GSG1L: variants seen among roughly 807,000 people sequenced by gnomAD.
GSG1L encodes the protein germ cell-specific gene 1-like protein.
In GSG1L, 24 loss-of-function variants were observed where a neutral mutation model predicts 42.1. That is an observed-to-expected ratio of 0.57 (90% CI 0.41 to 0.80). The LOEUF is 0.80. Among genes scored for constraint, GSG1L ranks in the 30% least tolerant of loss-of-function variants. GSG1L has a pLI of 0.00. For missense variants in GSG1L, 445 were observed against 472.2 expected, an observed-to-expected ratio of 0.94 and a Z score of 0.53; for synonymous variants, 215 against 203.5, an observed-to-expected ratio of 1.06 and a Z score of -0.48.
At chr16:27,902,193 G>A (rs1321543029) in intron 2 of GSG1L, among the ~76,000 whole-genome samples, 5 of 152,168 alleles carry the variant, frequency 3.3e-5, no homozygotes, top group Non-Finnish European at 7.3e-5. Flanking sequence ...GCTCAGCAAA[G>A]AACTTGCTAA....
At chr16:27,910,295 T>C (rs1315326814) in intron 2 of GSG1L, among the ~76,000 whole-genome samples, 1 of 152,090 alleles carries the variant, frequency 6.6e-6, no homozygotes, top group East Asian at 1.9e-4. Flanking sequence ...CCTGGTCTGG[T>C]CCATATTTGG....
intron 3 of GSG1L, among the ~76,000 whole-genome samples, chr16:27,862,795 A>G (rs1465920981): frequency 6.6e-6 from 1 of 152,166 alleles, no homozygotes; most frequent in Non-Finnish European, 1.5e-5. Context: ...CGCTCCCCAT[A>G]TACACAGACA....
Position 27,798,918 on chromosome 16 carries a change from A to C in GSG1L, c.899-7451T>G, listed in dbSNP as rs531360845. On this transcript the variant is annotated intron_variant, in intron 6 of 6. Transcript: ENST00000447459. ...CAAGTGACATTACCTCTCAGAACCC[A>C]AGTATTTTCCCTTGTAAAATAGAAA... Among the ~76,000 whole-genome samples, 318 of 152,248 alleles carry C rather than the reference A, an allele frequency of 2.1e-3. 14 individuals carry two copies. In the South Asian group the frequency reaches 0.063, roughly 30 times the overall value.
chr16:27,837,651 A>G (rs1281525003), intron 4 of GSG1L, among the ~76,000 whole-genome samples: 1 of 152,262 alleles, frequency 6.6e-6, no homozygotes, highest in Non-Finnish European at 1.5e-5. Flanking sequence ...GTTACTGCCC[A>G]GCAGAGATGA....
intron 2 of GSG1L, among the ~76,000 whole-genome samples, chr16:27,927,097 C>T (rs2084602581): frequency 6.6e-6 from 1 of 152,204 alleles, no homozygotes. Context: ...CTCGAAGCCC[C>T]TCCAATCTAC....
Position 28,009,129 on chromosome 16 carries a change from GC to G in GSG1L, c.350-45927del, listed in dbSNP as rs1255225549. Among the ~76,000 whole-genome samples, 3 of 152,082 alleles carry G rather than the reference GC, an allele frequency of 2.0e-5. No homozygotes were observed. In the East Asian group the frequency reaches 5.8e-4, roughly 29 times the overall value. ...TGGCCACATCAGTACTGTTTTAACT[GC>G]CCAGTTCTGAGCGCAGGTGCCCCAT... On this transcript the variant is annotated intron_variant, in intron 1 of 6. Coordinates refer to ENST00000447459, the MANE Select transcript of GSG1L (RefSeq NM_001109763.2).
chr16:27,967,376 C>G (rs2085147182), intron 1 of GSG1L, among the ~76,000 whole-genome samples: 1 of 152,178 alleles, frequency 6.6e-6, no homozygotes, highest in South Asian at 2.1e-4. Flanking sequence ...TTATTTATGT[C>G]ACTCCTTCCA....
At chr16:27,948,762 AC>A (rs2084916833) in intron 2 of GSG1L, among the ~76,000 whole-genome samples, 1 of 150,740 alleles carries the variant, frequency 6.6e-6, no homozygotes, top group African/African-American at 2.4e-5. Context: ...GGCGCCCGCC[AC>A]CGCACCCGGC....
intron 1 of GSG1L, among the ~76,000 whole-genome samples, chr16:27,972,177 T>C (rs1239535919): frequency 6.6e-6 from 1 of 152,216 alleles, no homozygotes; most frequent in Non-Finnish European, 1.5e-5. Flanking sequence ...CCAAAATAAA[T>C]GGCTCTCACA....
At chr16:27,821,764 C>T (rs1478448152) in intron 5 of GSG1L, among the ~76,000 whole-genome samples, 3 of 151,852 alleles carry the variant, frequency 2.0e-5, no homozygotes, top group African/African-American at 4.8e-5. Flanking sequence ...ATTAGCTGTG[C>T]GTGGTGGCGG....
chr16:27,901,174 C>A (rs1042715031), intron 2 of GSG1L, among the ~76,000 whole-genome samples: 8 of 152,190 alleles, frequency 5.3e-5, no homozygotes, highest in African/African-American at 1.9e-4. Context: ...ACACATACTT[C>A]TTGATTGACA....
intron 6 of GSG1L, among the ~76,000 whole-genome samples, chr16:27,802,631 G>A (rs895988731): frequency 6.6e-6 from 1 of 151,968 alleles, no homozygotes; most frequent in Non-Finnish European, 1.5e-5. Flanking sequence ...CCCCCAGGAG[G>A]TTAGGCCCCT....
chr16:28,039,411 T>G (rs1026437577), intron 1 of GSG1L, among the ~76,000 whole-genome samples: 7 of 152,090 alleles, frequency 4.6e-5, no homozygotes, highest in Non-Finnish European at 7.4e-5. Flanking sequence ...CCATGGAGAC[T>G]TCTAAAAACT....
At chr16:27,842,589 G>C (rs1756126473) in intron 4 of GSG1L, among the ~76,000 whole-genome samples, 1 of 152,104 alleles carries the variant, frequency 6.6e-6, no homozygotes, top group Non-Finnish European at 1.5e-5. Context: ...GTCTCAGGAA[G>C]GAACAGCTGC....
At chr16:27,918,676 A>G (rs1489449237) in intron 2 of GSG1L, among the ~76,000 whole-genome samples, 1 of 151,990 alleles carries the variant, frequency 6.6e-6, no homozygotes, top group Non-Finnish European at 1.5e-5. Flanking sequence ...AGAAAAAAAA[A>G]AAGAAAGAAA....
Position 27,974,923 on chromosome 16 carries a change from G to A in GSG1L, c.350-11720C>T, listed in dbSNP as rs1484210743. ...AATTATGTATAGGGGTGTGGACAGG[G>A]TTGAGGGGCTGGTAACCAAGGGAAA... On this transcript the variant is annotated intron_variant, in intron 1 of 6. Coordinates refer to ENST00000447459, the MANE Select transcript of GSG1L (RefSeq NM_001109763.2). Among the ~76,000 whole-genome samples the A allele has an allele frequency of 5.9e-5, 9 of 152,096 alleles. No individual in the cohort carries two copies. The East Asian group carries it at 1.2e-3, about 20-fold the overall frequency.
At chr16:27,937,392 C>G (rs13339604) in intron 2 of GSG1L, among the ~76,000 whole-genome samples, 22,760 of 152,006 alleles carry the variant, frequency 0.15, 1,844 homozygotes, top group East Asian at 0.25. Flanking sequence ...CAGGTGCCCA[C>G]CACCATGCCC....
chr16:27,952,931 A>T (rs1199218303), intron 2 of GSG1L, among the ~76,000 whole-genome samples: 2 of 152,230 alleles, frequency 1.3e-5, no homozygotes, highest in South Asian at 2.1e-4. Flanking sequence ...CCTTTCAGTT[A>T]CACCTTCTCT....
intron 2 of GSG1L, among the ~76,000 whole-genome samples, chr16:27,942,148 T>C (rs1347189343): frequency 3.6e-5 from 2 of 55,300 alleles, no homozygotes; most frequent in African/African-American, 2.8e-4. Flanking sequence ...AAACTTCTTC[T>C]TTTTTTTTTT....
Sources: gnomAD v4.1 joint callset for allele counts (sites outside exome capture counted in the v4.1 genomes callset) on GRCh38, gnomAD v4.1.1 for gene constraint, MANE v1.5 for transcripts, NCBI Gene and HGNC (gene_info 2026-07-23, HGNC 2026-07-21) for gene names.